Variants in ZNF175 observed in about 807,000 individuals in gnomAD.
ZNF175 encodes the protein zinc finger protein OTK18.
Under a neutral mutation model 14.0 loss-of-function variants are expected in ZNF175, and 8 were observed. The observed-to-expected ratio is 0.57, with a 90% CI of 0.34 to 1.03. The LOEUF is 1.03. ZNF175 is among the 50% of genes least tolerant of loss of function. ZNF175 has a pLI of 0.03. For missense variants in ZNF175, 764 were observed against 849.5 expected (o/e 0.90, Z 1.25); for synonymous variants, 255 against 296.8 (o/e 0.86, Z 1.45).
In ZNF175 at chr19:51,589,664, C is replaced by T; in HGVS notation, c.*1197C>T. ...TACACCAGGAGTCAACAAACTGTGG[C>T]CATTGGCCAAATATGGCCTCCCAAC... On this transcript the variant is annotated 3_prime_UTR_variant, in exon 5 of 5. Transcript: ENST00000262259. 2 of 679,146 alleles carry T rather than the reference C, an allele frequency of 2.9e-6. No individual in the cohort carries two copies. The highest frequency in any genetic ancestry group is 2.7e-6 in the Non-Finnish European group (1 of 375,398). 42.1% of individuals were successfully genotyped at this position (679,146 alleles called of 1,614,324 possible).
intron 2 of ZNF175, among the ~76,000 whole-genome samples, chr19:51,575,662 C>T (rs1044710894): frequency 6.6e-6 from 1 of 152,160 alleles, no homozygotes; most frequent in African/African-American, 2.4e-5. Context: ...ACCAAAGTTC[C>T]AGCTCCTCCC....
rs1288386083 is a variant in ZNF175, at chr19:51,575,209, GTTTTTT to G, written c.72+1828_72+1833del. On this transcript the variant is annotated intron_variant, in intron 2 of 4. Coordinates refer to ENST00000262259, the MANE Select transcript of ZNF175 (RefSeq NM_007147.4). Reference sequence around the variant, plus strand: ...GTTTAGCCTCCGGATTTTTAGAGAGGTTTTTTTTTTTTTTTTTTTTTTTTTGAGACG... The same window carrying G: ...GTTTAGCCTCCGGATTTTTAGAGAGGTTTTTTTTTTTTTTTTTTTGAGACG... 1.2e-4 allele frequency among the ~76,000 whole-genome samples: 8 copies of G among 67,020 alleles called. No individual in the cohort carries two copies. In the Admixed American group the frequency reaches 1.6e-3, roughly 13 times the overall value. 44.0% of individuals were successfully genotyped at this position (67,020 alleles called of 152,430 possible).
At chr19:51,582,491 GT>G (rs1223873171) in intron 4 of ZNF175, among the ~76,000 whole-genome samples, 4 of 152,156 alleles carry the variant, frequency 2.6e-5, no homozygotes, top group African/African-American at 9.7e-5. Context: ...TAGAGACAGG[GT>G]TTCACCCTGT....
Position 51,586,602 on chromosome 19 carries a change from T to C in ZNF175, c.296-25T>C, listed in dbSNP as rs755852439. The C allele has an allele frequency of 7.7e-6, 12 of 1,557,086 alleles. No homozygotes were observed. The East Asian group carries it at 2.7e-4, about 35-fold the overall frequency. ...TCCTCTTTCTTGTTCATTGTGTCTA[T>C]TTCATCTTCTCTTTCTCCTTTTAGA... On this transcript the variant is annotated intron_variant, in intron 4 of 4. Coordinates refer to ENST00000262259, the MANE Select transcript of ZNF175 (RefSeq NM_007147.4).
intron 2 of ZNF175, among the ~76,000 whole-genome samples, chr19:51,580,479 T>C (rs1340726835): frequency 1.3e-5 from 2 of 152,228 alleles, no homozygotes; most frequent in Admixed American, 6.5e-5. Flanking sequence ...GCATTTATCA[T>C]CTGCAGTACT....
chr19:51,572,751 G>T (rs1402909297), intron 1 of ZNF175, among the ~76,000 whole-genome samples: 3 of 152,014 alleles, frequency 2.0e-5, no homozygotes, highest in Non-Finnish European at 2.9e-5. Context: ...CCTCAAAATG[G>T]GTATGATAAT....
intron 4 of ZNF175, among the ~76,000 whole-genome samples, chr19:51,584,427 G>C (rs879880912): frequency 4.6e-5 from 7 of 152,178 alleles, no homozygotes; most frequent in Non-Finnish European, 8.8e-5. Context: ...GTGTTGGAGA[G>C]TTGTGGAAAA....
At position 51,589,716 on chromosome 19, in the gene ZNF175, G is replaced by C. The variant is rs1982296145; in HGVS notation, c.*1249G>C. The C allele has an allele frequency of 1.6e-6, 1 of 630,480 alleles. No individual in the cohort carries two copies. The highest frequency in any genetic ancestry group is 2.7e-5 in the East Asian group (1 of 36,426). The allele number at this position is 630,480 out of a possible 1,614,324, so 39.1% of individuals were successfully genotyped here. A position where few individuals can be genotyped will look rare whatever the true frequency, so the allele number is the denominator to read the frequency against. ...GTTTTTTTAAAATAAAGTTTTATTG[G>C]AACACAGCCATGTTCATTTGGACAT... On this transcript the variant is annotated 3_prime_UTR_variant, in exon 5 of 5. Transcript: ENST00000262259.
Position 51,584,250 on chromosome 19 carries a change from T to C in ZNF175, c.295+2368T>C, listed in dbSNP as rs139972114. 3.7e-4 allele frequency among the ~76,000 whole-genome samples: 57 copies of C among 152,246 alleles called. No individual in the cohort carries two copies. In the East Asian group the frequency reaches 4.0e-3, roughly 11 times the overall value. On this transcript the variant is annotated intron_variant, in intron 4 of 4. Coordinates refer to ENST00000262259, the MANE Select transcript of ZNF175 (RefSeq NM_007147.4). ...ATGTCAGCCTAGAGGTGGAGTGACA[T>C]TGGGAATTAATTTTAAGGGCATAGT... is the stretch of plus-strand genomic sequence containing the variant.
intron 1 of ZNF175, among the ~76,000 whole-genome samples, chr19:51,572,310 C>T (rs1001337773): frequency 2.6e-5 from 4 of 152,156 alleles, no homozygotes; most frequent in Admixed American, 1.3e-4. Context: ...GAAAGTCAGT[C>T]CTGTCAGTGA....
chr19:51,589,281 T>C lies in ZNF175; in HGVS notation c.*814T>C. On this transcript the variant is annotated 3_prime_UTR_variant, in exon 5 of 5. Coordinates refer to ENST00000262259, the MANE Select transcript of ZNF175 (RefSeq NM_007147.4). ...ATGTGTATGTATGCGTATGTATGTA[T>C]GTATGTATGCCCTCAGTGCAGTGGG... is the stretch of plus-strand genomic sequence containing the variant. 1 of 492,984 alleles carries C rather than the reference T, an allele frequency of 2.0e-6. No individual in the cohort carries two copies. Among genetic ancestry groups the C allele is most frequent in the Non-Finnish European group, 3.6e-6 (1 of 277,526 alleles). The allele number at this position is 492,984 out of a possible 1,614,324, so 30.5% of individuals were successfully genotyped here. A position where few individuals can be genotyped will look rare whatever the true frequency, so the allele number is the denominator to read the frequency against.
At chr19:51,581,959 C>G in intron 4 of ZNF175, 77 bp downstream of exon 4, 1 of 1,354,512 alleles carries the variant, frequency 7.4e-7, no homozygotes, top group South Asian at 1.2e-5. Flanking sequence ...TTTCTATTCC[C>G]TCCATTCCCC....
chr19:51,575,209 G>GTTTTT (rs1288386083), intron 2 of ZNF175, among the ~76,000 whole-genome samples: 19 of 67,014 alleles, frequency 2.8e-4, no homozygotes, highest in African/African-American at 4.4e-4. Flanking sequence ...TTTTAGAGAG[G>GTTTTT]TTTTTTTTTT....
chr19:51,589,789 T>C lies in ZNF175; in HGVS notation c.*1322T>C. On this transcript the variant is annotated 3_prime_UTR_variant, in exon 5 of 5. Coordinates refer to ENST00000262259, the MANE Select transcript of ZNF175 (RefSeq NM_007147.4). ...GCTGCACTGGCAGAATTGAGTAGTT[T>C]TGGCGGAGATCAAATAGCCCCCAAG... 1.8e-6 allele frequency: 1 copy of C among 566,756 alleles called. No homozygotes were observed. Among genetic ancestry groups the C allele is most frequent in the Non-Finnish European group, 3.1e-6 (1 of 320,460 alleles). The allele number at this position is 566,756 out of a possible 1,614,324, so 35.1% of individuals were successfully genotyped here.
chr19:51,572,351 T>G (rs1231259473), intron 1 of ZNF175, among the ~76,000 whole-genome samples: 1 of 152,166 alleles, frequency 6.6e-6, no homozygotes, highest in Non-Finnish European at 1.5e-5. Flanking sequence ...GGCAACTTAT[T>G]GTGGACAGGC....
rs1294977820 is a variant in ZNF175 at position 51,592,457 on chromosome 19, C to T, written c.*3990C>T. On this transcript the variant is annotated 3_prime_UTR_variant, in exon 5 of 5. Transcript: ENST00000262259. ...ACACAAATGCTCGTTCTTAATGATT[C>T]AACAAACATGGAATTTCATTAAATC... 1.3e-5 allele frequency: 7 copies of T among 554,214 alleles called. No individual in the cohort carries two copies. Among genetic ancestry groups the T allele is most frequent in the Non-Finnish European group, 1.9e-5 (6 of 317,334 alleles). 34.3% of individuals were successfully genotyped at this position (554,214 alleles called of 1,614,324 possible).
Position 51,587,720 on chromosome 19 carries a change from T to G in ZNF175, c.1389T>G (p.Ile463Met). 6.2e-7 allele frequency: 1 copy of G among 1,614,162 alleles called. No individual in the cohort carries two copies. Among genetic ancestry groups the G allele is most frequent in the Non-Finnish European group, 8.5e-7 (1 of 1,180,032 alleles). The change falls in exon 5 of 5, where the codon ATT becomes ATG. Residue 463 changes from isoleucine to methionine, a missense_variant. By Grantham distance (10) the Ile-to-Met change is conservative. Transcript: ENST00000262259. Reference protein sequence around the residue: ...GQAFIQKAHLIVHQRSHTGEK... With the variant: ...GQAFIQKAHLMVHQRSHTGEK... ...CCTTCATCCAGAAGGCACACCTGAT[T>G]GTCCATCAAAGAAGCCACACAGGAG... is the stretch of plus-strand genomic sequence containing the variant.
rs1400730964 is a variant in ZNF175, at chr19:51,587,949, T to A, written c.1618T>A (p.Phe540Ile). ...TGTATGCAGTGAATGCGGGAAAGCC[T>A]TCAACCAGAAGTCAATACTCAGCAT... is the stretch of plus-strand genomic sequence containing the variant. ...HHVCSECGKA[F>I]NQKSILSMHQ... Residue 540 changes from phenylalanine to isoleucine, a missense_variant, in exon 5 of 5, where the codon TTC (phenylalanine) becomes ATC (isoleucine). Phe to Ile is a conservative substitution (Grantham distance 21). Coordinates refer to ENST00000262259, the MANE Select transcript of ZNF175 (RefSeq NM_007147.4). The A allele has an allele frequency of 6.2e-7, 1 of 1,614,198 alleles. No homozygotes were observed. The highest frequency in any genetic ancestry group is 8.5e-7 in the Non-Finnish European group (1 of 1,180,030).
intron 4 of ZNF175, among the ~76,000 whole-genome samples, chr19:51,583,501 G>A (rs1982077680): frequency 6.6e-6 from 1 of 152,012 alleles, no homozygotes; most frequent in Non-Finnish European, 1.5e-5. Context: ...AGAAAAAAGT[G>A]ACCCTTTTTC....
Sources: allele counts gnomAD v4.1 joint callset (sites outside exome capture counted in the v4.1 genomes callset), GRCh38; gene constraint gnomAD v4.1.1; transcripts MANE v1.5; gene names NCBI Gene and HGNC (gene_info 2026-07-23, HGNC 2026-07-21).